SCFD1: variants seen among roughly 807,000 people sequenced by gnomAD.
SCFD1 encodes sec1 family domain containing 1.
A neutral mutation model predicts 103.2 loss-of-function variants in SCFD1; 37 were observed. The observed-to-expected ratio is 0.36, with a 90% CI of 0.28 to 0.47. The LOEUF is 0.47. SCFD1 is among the 20% of genes least tolerant of loss of function. The probability of loss-of-function intolerance (pLI) is 1.00; values close to 1 mark genes in which losing one functional copy is unlikely to be tolerated. For missense variants in SCFD1, 639 were observed against 761.2 expected (o/e 0.84, Z 1.89); for synonymous variants, 264 against 245.0 (o/e 1.08, Z -0.73).
chr14:30,640,380 G>A (rs751445493), intron 6 of SCFD1, among the ~76,000 whole-genome samples: 19 of 152,006 alleles, frequency 1.2e-4, no homozygotes, highest in Admixed American at 3.3e-4. Flanking sequence ...TTTTGACAAC[G>A]GTTATTATTC....
intron 18 of SCFD1, among the ~76,000 whole-genome samples, chr14:30,707,437 A>T (rs1012574358): frequency 2.6e-5 from 4 of 152,142 alleles, no homozygotes; most frequent in Non-Finnish European, 4.4e-5. Context: ...TCTGTTTCAC[A>T]TTTTTTTATG....
intron 14 of SCFD1, among the ~76,000 whole-genome samples, chr14:30,690,790 A>T (rs1403775747): frequency 6.6e-6 from 1 of 152,044 alleles, no homozygotes; most frequent in Non-Finnish European, 1.5e-5. Context: ...TCACGCTGGG[A>T]GCTGTAGACC....
At chr14:30,659,329 TAAG>T in intron 10 of SCFD1, among the ~76,000 whole-genome samples, 1 of 152,232 alleles carries the variant, frequency 6.6e-6, no homozygotes, top group East Asian at 1.9e-4. Flanking sequence ...ATTAATAATT[TAAG>T]ATATTAGATG....
chr14:30,652,982 C>G (rs1387809321), intron 9 of SCFD1, among the ~76,000 whole-genome samples: 4 of 151,980 alleles, frequency 2.6e-5, no homozygotes, highest in Non-Finnish European at 5.9e-5. Context: ...ACACTCCAAC[C>G]TGGGTGACAG....
intron 1 of SCFD1, among the ~76,000 whole-genome samples, chr14:30,624,723 C>A (rs1883208205): frequency 2.0e-5 from 3 of 152,194 alleles, no homozygotes; most frequent in African/African-American, 7.2e-5. Context: ...AGCATCTTCC[C>A]ATTTCAACCA....
intron 21 of SCFD1, chr14:30,721,624 C>A: frequency 2.5e-6 from 1 of 402,852 alleles, no homozygotes; most frequent in Non-Finnish European, 4.4e-6. Flanking sequence ...GCTCAGTCAT[C>A]TAGAATTTTA....
At chr14:30,652,176 C>G (rs1886455606) in intron 9 of SCFD1, among the ~76,000 whole-genome samples, 2 of 152,144 alleles carry the variant, frequency 1.3e-5, no homozygotes, top group South Asian at 4.1e-4. Context: ...TGAGTTAATT[C>G]TATTGCGAAA....
chr14:30,718,000 G>A (rs191113222), intron 20 of SCFD1, among the ~76,000 whole-genome samples: 170 of 152,182 alleles, frequency 1.1e-3, no homozygotes, highest in African/African-American at 3.9e-3. Flanking sequence ...TGAGGACACT[G>A]TAGTGCAATG....
At chr14:30,694,615 A>G (rs995082536) in intron 14 of SCFD1, among the ~76,000 whole-genome samples, 158 bp from the exon 15 acceptor site, 3 of 152,172 alleles carry the variant, frequency 2.0e-5, no homozygotes, top group African/African-American at 7.2e-5. Context: ...AGATTGCACC[A>G]CTGTACTTCA....
Position 30,643,409 on chromosome 14 carries a change from A to G in SCFD1, c.613+4A>G. The G allele has an allele frequency of 6.4e-7, 1 of 1,574,600 alleles. No homozygotes were observed. The highest frequency in any genetic ancestry group is 1.1e-5 in the South Asian group (1 of 90,214). On this transcript the variant is annotated splice_donor_region_variant and intron_variant, in intron 7 of 24. Coordinates refer to ENST00000458591, the MANE Select transcript of SCFD1 (RefSeq NM_016106.4). ...TTCTGCTTTTTTGTTACTCTGGGTAAGTTTTCCAGTCTTTCTGGTTATTCT... is the reference window on the plus strand; with the variant it reads ...TTCTGCTTTTTTGTTACTCTGGGTAGGTTTTCCAGTCTTTCTGGTTATTCT...
chr14:30,722,306 C>T (rs1048689312), intron 22 of SCFD1, among the ~76,000 whole-genome samples, 188 bp from the exon 23 acceptor site: 32 of 152,112 alleles, frequency 2.1e-4, no homozygotes, highest in African/African-American at 7.7e-4. Context: ...TCTGAAAAAT[C>T]TCTTCTTCAT....
At chr14:30,716,790 A>G (rs1197023596) in intron 20 of SCFD1, among the ~76,000 whole-genome samples, 2 of 152,244 alleles carry the variant, frequency 1.3e-5, no homozygotes, top group East Asian at 3.8e-4. Context: ...TGTAATAACA[A>G]GAAACTAACA....
chr14:30,649,665 T>C, intron 8 of SCFD1, 82 bp downstream of exon 8: 1 of 985,478 alleles, frequency 1.0e-6, no homozygotes, highest in Non-Finnish European at 1.5e-6. Flanking sequence ...GTTTTGTTAA[T>C]ATTTAAATAT....
chr14:30,649,325 A>G (rs1886176111), intron 7 of SCFD1, among the ~76,000 whole-genome samples: 1 of 152,216 alleles, frequency 6.6e-6, no homozygotes, highest in Non-Finnish European at 1.5e-5. Context: ...ATATGCATGT[A>G]AGAAGGCTGT....
chr14:30,655,554 A>C (rs1298664519), intron 10 of SCFD1, among the ~76,000 whole-genome samples: 1 of 152,216 alleles, frequency 6.6e-6, no homozygotes, highest in Non-Finnish European at 1.5e-5. Flanking sequence ...TTGGGGGCAC[A>C]GGAAGAGCAA....
chr14:30,698,785 G>A (rs1343466487), intron 15 of SCFD1, among the ~76,000 whole-genome samples: 1 of 152,144 alleles, frequency 6.6e-6, no homozygotes, highest in East Asian at 1.9e-4. Context: ...GGGAGATTGT[G>A]GAGAGGAAGG....
chr14:30,684,694 A>G (rs1480834301), intron 14 of SCFD1, among the ~76,000 whole-genome samples: 5 of 115,634 alleles, frequency 4.3e-5, no homozygotes, highest in Non-Finnish European at 7.1e-5. Context: ...AGTGCTTTTG[A>G]TTGTCTAGAA....
intron 23 of SCFD1, among the ~76,000 whole-genome samples, chr14:30,732,723 G>T (rs1305881327): frequency 6.6e-6 from 1 of 152,200 alleles, no homozygotes; most frequent in Non-Finnish European, 1.5e-5. Context: ...AACATAAGGG[G>T]CAAGTGCCAG....
chr14:30,682,436 T>C (rs1889561890), intron 14 of SCFD1, among the ~76,000 whole-genome samples: 1 of 152,224 alleles, frequency 6.6e-6, no homozygotes, highest in African/African-American at 2.4e-5. Flanking sequence ...TTTTGTAACA[T>C]AATTTTTCAC....
Sources: gnomAD v4.1 joint callset for allele counts (sites outside exome capture counted in the v4.1 genomes callset) on GRCh38, gnomAD v4.1.1 for gene constraint, MANE v1.5 for transcripts, NCBI Gene and HGNC (gene_info 2026-07-23, HGNC 2026-07-21) for gene names.